Variants in KIAA0753 observed in about 807,000 individuals in gnomAD.
KIAA0753 encodes KIAA0753.
Under a neutral mutation model 116.9 loss-of-function variants are expected in KIAA0753, and 114 were observed. The observed-to-expected ratio is 0.98, with a 90% CI of 0.84 to 1.14. KIAA0753 has a LOEUF of 1.14. KIAA0753 is among the 50% of genes most tolerant of loss of function. The probability of loss-of-function intolerance (pLI) is 0.00; values close to 1 mark genes in which losing one functional copy is unlikely to be tolerated. For missense variants in KIAA0753, 1,156 were observed against 1,172.4 expected (o/e 0.99, Z 0.20); for synonymous variants, 405 against 413.1 (o/e 0.98, Z 0.24).
At chr17:6,632,856 C>A (rs953701136) in intron 2 of KIAA0753, among the ~76,000 whole-genome samples, 3 of 152,028 alleles carry the variant, frequency 2.0e-5, no homozygotes, top group African/African-American at 7.3e-5. Context: ...GGCCTATATT[C>A]TTAAAAAAAA....
In KIAA0753 at chr17:6,628,326, C is replaced by T; in HGVS notation, c.509G>A (p.Gly170Asp). ...AGATGAGTAAAGGTATACTTTGGCACCAGAGCTGGAGATTTCTACTTTGGA... is the reference window on the plus strand; with the variant it reads ...AGATGAGTAAAGGTATACTTTGGCATCAGAGCTGGAGATTTCTACTTTGGA... ...QPSKVEISSS[G>D]AKVYLYSSHP... The change falls in exon 3 of 19, where the codon GGT becomes GAT. Residue 170 changes from glycine to aspartate, a missense_variant. Coordinates refer to ENST00000361413, the MANE Select transcript of KIAA0753 (RefSeq NM_014804.3). 1 of 1,614,108 alleles carries T rather than the reference C, an allele frequency of 6.2e-7. No homozygotes were observed. Among genetic ancestry groups the T allele is most frequent in the Admixed American group, 1.7e-5 (1 of 60,012 alleles).
intron 9 of KIAA0753, among the ~76,000 whole-genome samples, chr17:6,609,562 T>TAA (rs1220955608): frequency 6.6e-6 from 1 of 152,248 alleles, no homozygotes; most frequent in Non-Finnish European, 1.5e-5. Context: ...TATCTTGACT[T>TAA]AGAGTTAGAA....
intron 6 of KIAA0753, 77 bp from the exon 7 acceptor site, chr17:6,621,075 G>A: frequency 7.6e-7 from 1 of 1,308,910 alleles, no homozygotes; most frequent in Non-Finnish European, 1.1e-6. Flanking sequence ...CTGAAAATAA[G>A]GACTCCAGGG....
In KIAA0753 at chr17:6,579,758, C is replaced by A; in HGVS notation, c.2893G>T (p.Ala965Ser). The change falls in exon 19 of 19, where the codon GCT (alanine) becomes TCT (serine). Residue 965 changes from alanine (A) to serine (S), a missense_variant. Physicochemically the swap from Ala to Ser is moderately conservative, Grantham distance 99. Transcript: ENST00000361413. ...GCCTCAGAGAGCCTTTATGTAGCAG[C>A]CTCTAAGAATTCTGAGGTGAACACA... ...EAVFTSEFLE[A>S]AT The A allele has an allele frequency of 5.0e-6, 8 of 1,610,812 alleles. No homozygotes were observed. Among genetic ancestry groups the A allele is most frequent in the Non-Finnish European group, 6.8e-6 (8 of 1,177,302 alleles).
intron 12 of KIAA0753, among the ~76,000 whole-genome samples, chr17:6,603,929 G>C (rs990131418): frequency 6.6e-5 from 10 of 152,184 alleles, no homozygotes; most frequent in African/African-American, 2.2e-4. Context: ...TACATGAAAA[G>C]ATGTTCAGAG....
intron 14 of KIAA0753, 104 bp from the exon 15 acceptor site, chr17:6,596,447 T>C (rs1247774276): frequency 3.5e-5 from 32 of 904,730 alleles, no homozygotes; most frequent in Non-Finnish European, 5.0e-5. Flanking sequence ...TTAATCATAA[T>C]AAACCAACAG....
intron 4 of KIAA0753, among the ~76,000 whole-genome samples, 200 bp downstream of exon 4, chr17:6,624,555 C>CACACACACACA (rs1316137068): frequency 3.1e-5 from 4 of 129,090 alleles, no homozygotes; most frequent in Middle Eastern, 3.8e-3. Flanking sequence ...CACACACACA[C>CACACACACACA]ACACACACAC....
In KIAA0753 at chr17:6,635,068, A is replaced by G. The variant is rs1972232458; in HGVS notation, c.36T>C (p.His12=). Residue 12 remains histidine (H), a synonymous_variant, in exon 2 of 19, where the codon CAT becomes CAC. Transcript: ENST00000361413. ...GPGQPASTCV[H]LAPRTQLDGR... Reference sequence around the variant, plus strand: ...CATCAAGTTGGGTCCTAGGTGCTAGATGAACACAGGTTGAAGCTGGCTGGC... The same window carrying G: ...CATCAAGTTGGGTCCTAGGTGCTAGGTGAACACAGGTTGAAGCTGGCTGGC... 5 of 1,614,016 alleles carry G rather than the reference A, an allele frequency of 3.1e-6. No individual in the cohort carries two copies. The Middle Eastern group carries it at 4.9e-4, about 160-fold the overall frequency.
At chr17:6,595,198 T>C in intron 15 of KIAA0753, 145 bp from the exon 16 acceptor site, 2 of 630,664 alleles carry the variant, frequency 3.2e-6, no homozygotes, top group Non-Finnish European at 5.6e-6. Flanking sequence ...CAGGAAGTAA[T>C]TAGTTCATGA....
rs1448887068 is a variant in KIAA0753 at position 6,621,004 on chromosome 17, A to C, written c.1105-6T>G. 6.2e-7 allele frequency: 1 copy of C among 1,611,824 alleles called. No individual in the cohort carries two copies. Among genetic ancestry groups the C allele is most frequent in the Admixed American group, 1.7e-5 (1 of 59,930 alleles). On this transcript the variant is annotated splice_region_variant and splice_polypyrimidine_tract_variant and intron_variant, in intron 6 of 18. Coordinates refer to ENST00000361413, the MANE Select transcript of KIAA0753 (RefSeq NM_014804.3). ...TCCAGGAGAGATTCCAAAGCCTGCC[A>C]CAAAAACAATCAATTATTCTCTTAG...
Position 6,610,022 on chromosome 17 carries a change from G to A in KIAA0753, c.1684C>T (p.Pro562Ser). The A allele has an allele frequency of 6.2e-7, 1 of 1,614,112 alleles. No homozygotes were observed. Among genetic ancestry groups the A allele is most frequent in the South Asian group, 1.1e-5 (1 of 91,078 alleles). ...TTAGGAGACGCTGGTGGGGATGTGG[G>A]GTTTGGGGGTATCCATGGTGCCTTG... ...DRKAPWIPPNPTSPPASPKCA... is the reference protein window; with the variant it reads ...DRKAPWIPPNSTSPPASPKCA... Residue 562 changes from proline (P) to serine (S), a missense_variant, in exon 9 of 19, where the codon CCC becomes TCC. Transcript: ENST00000361413.
intron 7 of KIAA0753, among the ~76,000 whole-genome samples, chr17:6,614,360 G>T (rs945405258): frequency 8.6e-5 from 13 of 151,944 alleles, no homozygotes; most frequent in African/African-American, 3.1e-4. Flanking sequence ...GCAAAAAACT[G>T]GGAACAACCA....
At chr17:6,582,122 C>T (rs72830351) in intron 18 of KIAA0753, among the ~76,000 whole-genome samples, 11,752 of 152,234 alleles carry the variant, frequency 0.077, 531 homozygotes, top group Non-Finnish European at 0.11. Context: ...CCCCTAGAAA[C>T]CTTGCTCCCA....
chr17:6,598,211 C>T (rs962953410), intron 14 of KIAA0753, among the ~76,000 whole-genome samples: 2 of 151,920 alleles, frequency 1.3e-5, no homozygotes, highest in East Asian at 3.9e-4. Context: ...AAATGTTAGC[C>T]TTACTATTCC....
chr17:6,607,209 T>A lies in KIAA0753; in HGVS notation c.1891A>T (p.Lys631Ter), dbSNP rs886038200. ...TGTTTTTGCATGCTGTCAATTTCCT[T>A]GGCTTTTAACTCTTCTAGTTCCTTC... is the stretch of plus-strand genomic sequence containing the variant. ...RLKELEELKA[K>*]EIDSMQKQRL... Residue 631 changes from lysine to a stop codon, truncating the protein, a stop_gained, in exon 11 of 19, where the codon AAG becomes TAG. Transcript: ENST00000361413. LOFTEE classifies it high-confidence loss of function. 35 of 1,614,044 alleles carry A rather than the reference T, an allele frequency of 2.2e-5. No homozygotes were observed. The highest frequency in any genetic ancestry group is 2.8e-5 in the Non-Finnish European group (33 of 1,179,962).
chr17:6,585,470 C>CCCATTG (rs2150731952), intron 18 of KIAA0753, among the ~76,000 whole-genome samples: 1 of 152,312 alleles, frequency 6.6e-6, no homozygotes, highest in East Asian at 1.9e-4. Flanking sequence ...TCCCATTGCT[C>CCCATTG]CTTTTTCCTT....
At chr17:6,591,049 A>AGAAGGAAGAAG (rs1555524031) in intron 16 of KIAA0753, among the ~76,000 whole-genome samples, 16 of 29,664 alleles carry the variant, frequency 5.4e-4, no homozygotes, top group East Asian at 3.9e-3. Flanking sequence ...AGGAAGAAGA[A>AGAAGGAAGAAG]GAAGAAGAAG....
chr17:6,580,391 T>C (rs1968065232), intron 18 of KIAA0753, among the ~76,000 whole-genome samples: 1 of 149,956 alleles, frequency 6.7e-6, no homozygotes, highest in African/African-American at 2.5e-5. Context: ...CTCGGCTCAC[T>C]GCAAGCTCCG....
At chr17:6,636,175 C>T (rs1278627234) in intron 1 of KIAA0753, 1 of 152,022 alleles carries the variant, frequency 6.6e-6, no homozygotes, top group African/African-American at 2.4e-5. Context: ...AATTTGCAGA[C>T]TAGATTTGCT....
Sources: allele counts gnomAD v4.1 joint callset (sites outside exome capture counted in the v4.1 genomes callset), GRCh38; gene constraint gnomAD v4.1.1; transcripts MANE v1.5; gene names NCBI Gene and HGNC (gene_info 2026-07-23, HGNC 2026-07-21).